PLEC: variants seen among roughly 807,000 people sequenced by gnomAD.
The protein encoded by PLEC is plectin, also known as hemidesmosomal protein 1.
A neutral mutation model predicts 392.8 loss-of-function variants in PLEC; 216 were observed. The ratio of observed to expected loss-of-function variants is 0.55; its 90% CI spans 0.49 to 0.62. The LOEUF is 0.62. PLEC is among the 20% of genes least tolerant of loss of function. The probability of loss-of-function intolerance (pLI) is 0.00; values close to 1 mark genes in which losing one functional copy is unlikely to be tolerated. For synonymous variants in PLEC, 3,621 were observed against 2,980.6 expected, an observed-to-expected ratio of 1.21 and a Z score of -7.00; for missense variants, 6,863 against 6,563.4, an observed-to-expected ratio of 1.05 and a Z score of -1.58.
At position 143,921,641 on chromosome 8, in the gene PLEC, A is replaced by C; in HGVS notation, c.8180T>G (p.Leu2727Arg). ...QRQLLSPGTA[L>R]ILLEAQAASG... is the part of the protein sequence containing the mutation. ...GGCCGCCTGCGCCTCCAGCAGGATG[A>C]GGGCCGTGCCGGGACTCAGCAGCTG... Residue 2727 changes from leucine to arginine, a missense_variant, in exon 32 of 32, where the codon CTC becomes CGC. Leu to Arg is a moderately radical substitution (Grantham distance 102). Transcript: ENST00000345136. 2 of 1,612,948 alleles carry C rather than the reference A, an allele frequency of 1.2e-6. No homozygotes were observed. Among genetic ancestry groups the C allele is most frequent in the Non-Finnish European group, 1.7e-6 (2 of 1,179,886 alleles).
At position 143,922,078 on chromosome 8, in the gene PLEC, C is replaced by A; in HGVS notation, c.7743G>T (p.Arg2581=). The part of the protein sequence containing the change: ...EELQQLEQQR[R]QQEELLAEEN... Reference sequence around the variant, plus strand: ...CCTCAGCCAGCAGCTCCTCCTGCTGCCGCCGCTGCTGCTCCAGCTGCTGCA... The same window carrying A: ...CCTCAGCCAGCAGCTCCTCCTGCTGACGCCGCTGCTGCTCCAGCTGCTGCA... The change falls in exon 32 of 32, where the codon CGG becomes CGT. Residue 2581 remains arginine, a synonymous_variant. Coordinates refer to ENST00000345136, the MANE Select transcript of PLEC (RefSeq NM_201384.3). The A allele has an allele frequency of 1.3e-6, 2 of 1,577,648 alleles. No homozygotes were observed. Among genetic ancestry groups the A allele is most frequent in the Non-Finnish European group, 1.7e-6 (2 of 1,169,724 alleles).
intron 25 of PLEC, among the ~76,000 whole-genome samples, chr8:143,928,577 TGAG>T (rs1826055058): frequency 1.1e-5 from 1 of 93,212 alleles, no homozygotes; most frequent in East Asian, 2.3e-4. Flanking sequence ...GCTGGTTCTG[TGAG>T]GAGTAGACAG....
At chr8:143,943,623 AG>A (rs1331828450), upstream of PLEC, among the ~76,000 whole-genome samples, 2 of 152,178 alleles carry the variant, frequency 1.3e-5, no homozygotes, top group Non-Finnish European at 2.9e-5. Context: ...CAGCAGGGTC[AG>A]GGTCTACACT....
At chr8:143,941,448 G>A (rs1414670046), upstream of PLEC, among the ~76,000 whole-genome samples, 6 of 152,234 alleles carry the variant, frequency 3.9e-5, no homozygotes, top group African/African-American at 1.4e-4. Context: ...GGGGCTCAGG[G>A]AAGGGAAGGG....
At chr8:143,962,537 T>C (rs1285328247) in intron 1 of PLEC, among the ~76,000 whole-genome samples, 2 of 152,140 alleles carry the variant, frequency 1.3e-5, no homozygotes, top group Middle Eastern at 3.2e-3. Context: ...GGCTTTGCAA[T>C]TGGGTAATAA....
chr8:143,938,364 G>T, intron 2 of PLEC, 124 bp from the exon 3 acceptor site: 1 of 1,535,762 alleles, frequency 6.5e-7, no homozygotes, highest in South Asian at 1.2e-5. Context: ...TCTCCCGGGA[G>T]CCCACGGAAC....
rs781880530 is a variant in PLEC at position 143,920,253 on chromosome 8, C to T, written c.9568G>A (p.Ala3190Thr). Residue 3190 changes from alanine to threonine, a missense_variant, in exon 32 of 32, where the codon GCC becomes ACC. Transcript: ENST00000345136. ...AYSDPSTGEP[A>T]TYGELQQRCR... Reference sequence around the variant, plus strand: ...CGCTGCTGGAGCTCGCCGTAGGTGGCCGGCTCCCCTGTGCTGGGGTCACTG... The same window carrying T: ...CGCTGCTGGAGCTCGCCGTAGGTGGTCGGCTCCCCTGTGCTGGGGTCACTG... 6.3e-7 allele frequency: 1 copy of T among 1,598,804 alleles called. No homozygotes were observed. The highest frequency in any genetic ancestry group is 8.5e-7 in the Non-Finnish European group (1 of 1,177,734).
chr8:143,971,600 C>T (rs1037654529), intron 1 of PLEC, among the ~76,000 whole-genome samples: 1 of 152,204 alleles, frequency 6.6e-6, no homozygotes, highest in African/African-American at 2.4e-5. Flanking sequence ...CCGTGGCTCC[C>T]AGACACAGGT....
intron 30 of PLEC, among the ~76,000 whole-genome samples, chr8:143,926,376 G>A (rs1378492174): frequency 6.6e-6 from 1 of 152,204 alleles, no homozygotes; most frequent in Non-Finnish European, 1.5e-5. Context: ...GGGCCACGCA[G>A]AAGGTAGGGA....
intron 18 of PLEC, 31 bp downstream of exon 18, chr8:143,931,906 G>T: frequency 6.4e-7 from 1 of 1,573,446 alleles, no homozygotes; most frequent in Non-Finnish European, 8.7e-7. Flanking sequence ...CTGCCGCTGA[G>T]CCACAGTGCG....
chr8:143,917,289 A>C lies in PLEC; in HGVS notation c.12532T>G (p.Trp4178Gly). 6.2e-7 allele frequency: 1 copy of C among 1,609,306 alleles called. No individual in the cohort carries two copies. Among genetic ancestry groups the C allele is most frequent in the Non-Finnish European group, 8.5e-7 (1 of 1,178,382 alleles). ...GAGGAGGAGATGGTGATCTCCTCCC[A>C]CTCGCACTCCTGCTCGGACAGCTCC... Reference protein sequence around the residue: ...YLELSEQECEWEEITISSSDG... With the variant: ...YLELSEQECEGEEITISSSDG... The change falls in exon 32 of 32, where the codon TGG (tryptophan) becomes GGG (glycine). Residue 4178 changes from tryptophan to glycine, a missense_variant. By Grantham distance (184) the Trp-to-Gly change is radical. Transcript: ENST00000345136.
chr8:143,969,774 T>C lies in PLEC; in HGVS notation c.70+3629A>G, dbSNP rs1833322399. Reference sequence around the variant, plus strand: ...AGCTGGGGATAGAGACTTTAGGTTGTCATGTTAGGGATGGGAGTGGGGCTT... The same window carrying C: ...AGCTGGGGATAGAGACTTTAGGTTGCCATGTTAGGGATGGGAGTGGGGCTT... On this transcript the variant is annotated intron_variant, in intron 1 of 31. Transcript: ENST00000356346. This position sits in a 1 kb window ranked among gnomAD's most constrained non-coding sequence, Gnocchi z 5.1. Among the ~76,000 whole-genome samples, 2 of 151,724 alleles carry C rather than the reference T, an allele frequency of 1.3e-5. No homozygotes were observed. The highest frequency in any genetic ancestry group is 1.5e-5 in the Non-Finnish European group (1 of 67,908).
At chr8:143,926,919 G>A (rs1554706214) in intron 29 of PLEC, 37 bp from the exon 30 acceptor site, 1 of 1,606,152 alleles carries the variant, frequency 6.2e-7, no homozygotes, top group Non-Finnish European at 8.5e-7. Flanking sequence ...TGCGAGAGCT[G>A]CAGCTCCAGC....
Position 143,923,254 on chromosome 8 carries a change from C to T in PLEC, c.6675G>A (p.Gln2225=). 1 of 1,605,688 alleles carries T rather than the reference C, an allele frequency of 6.2e-7. No individual in the cohort carries two copies. Among genetic ancestry groups the T allele is most frequent in the Non-Finnish European group, 8.5e-7 (1 of 1,179,890 alleles). The change falls in exon 31 of 32, where the codon CAG becomes CAA. Residue 2225 remains glutamine, a synonymous_variant. Coordinates refer to ENST00000345136, the MANE Select transcript of PLEC (RefSeq NM_201384.3). The part of the protein sequence containing the change: ...EATEAARQRS[Q]VEEELFSVRV... ...GCACCGAGAAGAGCTCCTCCTCCAC[C>T]TGGCTGCGCTGGCGTGCGGCCTCCG...
intron 25 of PLEC, 41 bp downstream of exon 25, chr8:143,929,062 C>G (rs782670526): frequency 1.6e-5 from 25 of 1,537,862 alleles, no homozygotes; most frequent in Non-Finnish European, 2.2e-5. Flanking sequence ...CAGCACCCCC[C>G]AGCCGACCCC....
rs3134599 is a variant in PLEC at position 143,927,652 on chromosome 8, C to T, written c.3514G>A (p.Val1172Met). 16 of 1,582,978 alleles carry T rather than the reference C, an allele frequency of 1.0e-5. No homozygotes were observed. The highest frequency in any genetic ancestry group is 6.9e-5 in the East Asian group (3 of 43,550). Residue 1172 changes from valine (V) to methionine (M), a missense_variant, in exon 27 of 32, where the codon GTG becomes ATG. Physicochemically the swap from Val to Met is conservative, Grantham distance 21 (BLOSUM62 1). Transcript: ENST00000345136. ...CGCTCCCGCCAGCGCTCCACCTCCA[C>T]GTCCCGCTCCCCGTGCCGCTGCTGC... ...RLQQRHGERD[V>M]EVERWRERVA...
Position 143,934,561 on chromosome 8 carries a change from GGTC to G in PLEC, c.1041+71_1041+73del, listed in dbSNP as rs1364424013. 9 of 1,600,376 alleles carry G rather than the reference GGTC, an allele frequency of 5.6e-6. No homozygotes were observed. In the East Asian group the frequency reaches 1.8e-4, roughly 32 times the overall value. On this transcript the variant is annotated intron_variant, in intron 10 of 31. Transcript: ENST00000345136. ...AGCCCTGGTCCCAAAGGCAGGGCCA[GGTC>G]GGCTCCGGAAGAACCTTTCAGGCCT...
chr8:143,975,496 A>T (rs1833630378), upstream of PLEC: 7 of 798,238 alleles, frequency 8.8e-6, no homozygotes, highest in South Asian at 1.0e-4. This position sits in a 1 kb window ranked among gnomAD's most constrained non-coding sequence, Gnocchi z 9.9. Flanking sequence ...TCTCGCCTGG[A>T]CACTGGCACC....
rs576131893 is a variant in PLEC, at chr8:143,925,093, C to T, written c.4836G>A (p.Arg1612=). ...AVAQLREEAE[R]RAQQQAEAER... ...CGGCCTCGGCCTGCTGCTGTGCCCG[C>T]CGCTCAGCCTCCTCCCGCAGCTGTG... The change falls in exon 31 of 32, where the codon CGG becomes CGA. Residue 1612 remains arginine (R), a synonymous_variant. Coordinates refer to ENST00000345136, the MANE Select transcript of PLEC (RefSeq NM_201384.3). 2.6e-5 allele frequency: 40 copies of T among 1,548,270 alleles called. 1 individual carries two copies. The South Asian group carries it at 4.3e-4, about 17-fold the overall frequency.
Sources: allele counts gnomAD v4.1 joint callset (sites outside exome capture counted in the v4.1 genomes callset), GRCh38; gene constraint gnomAD v4.1.1; non-coding constraint Gnocchi (gnomAD v3.1); transcripts MANE v1.5; gene names NCBI Gene and HGNC (gene_info 2026-07-23, HGNC 2026-07-21).